Variants in DIS3 observed in about 807,000 individuals in gnomAD.
The protein encoded by DIS3 is exosome complex exonuclease RRP44.
Under a neutral mutation model 113.0 loss-of-function variants are expected in DIS3, and 103 were observed. That is an observed-to-expected ratio of 0.91 (90% CI 0.78 to 1.07). DIS3 has a LOEUF of 1.07. Among genes scored for constraint, DIS3 ranks in the 50% least tolerant of loss-of-function variants. The pLI, the probability that DIS3 is intolerant of heterozygous loss-of-function variation, is 0.00. For synonymous variants in DIS3, 402 were observed against 394.3 expected, an observed-to-expected ratio of 1.02 and a Z score of -0.23; for missense variants, 1,121 against 1,167.1, an observed-to-expected ratio of 0.96 and a Z score of 0.58.
Position 72,781,880 on chromosome 13 carries a change from A to C in DIS3, c.-48T>G. The C allele has an allele frequency of 6.8e-7, 1 of 1,472,590 alleles. No homozygotes were observed. 91.2% of individuals were successfully genotyped at this position (1,472,590 alleles called of 1,614,324 possible). The stretch of plus-strand genomic sequence containing the variant: ...TAACCCCAGCAGCGCTCTTCCAGCA[A>C]AAGGCGTCAATCTAGAATACGCCTA... On this transcript the variant is annotated 5_prime_UTR_variant, in exon 1 of 21. Transcript: ENST00000377767.
rs201688391 is a variant in DIS3 at position 72,755,225 on chromosome 13, T to C, written c.*4570A>G. 35 of 1,602,926 alleles carry C rather than the reference T, an allele frequency of 2.2e-5. No individual in the cohort carries two copies. The highest frequency in any genetic ancestry group is 2.8e-5 in the Non-Finnish European group (33 of 1,170,372). On this transcript the variant is annotated 3_prime_UTR_variant, in exon 21 of 21. Coordinates refer to ENST00000377767, the MANE Select transcript of DIS3 (RefSeq NM_014953.5). ...AATGCAGCAGTCCATAGAATGCCTC[T>C]GTCAGAATCAAAGACTAAGCTTAAG...
intron 5 of DIS3, among the ~76,000 whole-genome samples, chr13:72,775,676 G>C (rs924741325): frequency 6.6e-6 from 1 of 151,794 alleles, no homozygotes; most frequent in South Asian, 2.1e-4. Context: ...GTCCTGATTG[G>C]TCAAATAAGA....
At chr13:72,767,165 T>G (rs555186663) in intron 14 of DIS3, among the ~76,000 whole-genome samples, 64 of 152,286 alleles carry the variant, frequency 4.2e-4, no homozygotes, top group African/African-American at 1.4e-3. Flanking sequence ...CGGTTTTTTT[T>G]TCTGATTGCT....
chr13:72,776,126 T>G, intron 4 of DIS3, 34 bp from the exon 5 acceptor site: 1 of 1,566,584 alleles, frequency 6.4e-7, no homozygotes, highest in East Asian at 2.3e-5. Context: ...ATGCCGCTAA[T>G]AAGTCTTCTG....
At chr13:72,768,324 C>T (rs937683329) in intron 14 of DIS3, among the ~76,000 whole-genome samples, 3 of 152,130 alleles carry the variant, frequency 2.0e-5, no homozygotes, top group African/African-American at 7.2e-5. Flanking sequence ...CCTGAACAAA[C>T]ATCAGTCCAG....
intron 20 of DIS3, among the ~76,000 whole-genome samples, chr13:72,760,101 T>C (rs1270994724): frequency 6.6e-6 from 1 of 152,180 alleles, no homozygotes; most frequent in East Asian, 1.9e-4. Context: ...GAGAAGCATG[T>C]CATTTAGGAA....
chr13:72,778,412 A>T, intron 2 of DIS3, 32 bp from the exon 3 acceptor site: 2 of 1,516,946 alleles, frequency 1.3e-6, no homozygotes, highest in Non-Finnish European at 1.8e-6. Context: ...AATAAAAGGA[A>T]ATCAGTAGAA....
chr13:72,781,629 G>T lies in DIS3; in HGVS notation c.204C>A (p.Pro68=), dbSNP rs1216717811. The change falls in exon 1 of 21, where the codon CCC becomes CCA. Residue 68 remains proline (P), a synonymous_variant. Coordinates refer to ENST00000377767, the MANE Select transcript of DIS3 (RefSeq NM_014953.5). The part of the protein sequence containing the change: ...SVCPQPHYLL[P]DTNVLLHQID... ...CCTGGTGCAGTAACACATTAGTGTC[G>T]GGCAGCAAGTAGTGCGGTTGCGGGC... 3.9e-6 allele frequency: 6 copies of T among 1,537,134 alleles called. No individual in the cohort carries two copies. The highest frequency in any genetic ancestry group is 4.0e-5 in the Admixed American group (2 of 49,718).
intron 19 of DIS3, 87 bp from the exon 20 acceptor site, chr13:72,760,738 G>C: frequency 6.8e-7 from 1 of 1,460,352 alleles, no homozygotes; most frequent in South Asian, 1.4e-5. Flanking sequence ...TTACATAGTA[G>C]AAGTTTAAAT....
At chr13:72,781,137 T>G (rs1404350311) in intron 1 of DIS3, 134 bp from the exon 2 acceptor site, 1 of 1,349,456 alleles carries the variant, frequency 7.4e-7, no homozygotes, top group Non-Finnish European at 1.0e-6. Context: ...AAGAAGCTAT[T>G]TGGCTATAGA....
At chr13:72,776,807 T>C (rs2034027823) in intron 4 of DIS3, among the ~76,000 whole-genome samples, 1 of 152,214 alleles carries the variant, frequency 6.6e-6, no homozygotes. Context: ...CTCACCTCTC[T>C]GCCTCTAATC....
In DIS3 at chr13:72,773,852, C is replaced by T. The variant is rs752237490; in HGVS notation, c.1102-31G>A. ...AAAAATTAGGAATAAAGATTTTACA[C>T]AAAAAAAATCTGAGGATGGAGGCAA... On this transcript the variant is annotated intron_variant, in intron 7 of 20. Coordinates refer to ENST00000377767, the MANE Select transcript of DIS3 (RefSeq NM_014953.5). The T allele has an allele frequency of 3.3e-5, 52 of 1,592,562 alleles. No homozygotes were observed. In the Admixed American group the frequency reaches 3.5e-4, roughly 11 times the overall value.
chr13:72,769,110 C>A (rs1246688438), intron 13 of DIS3, among the ~76,000 whole-genome samples, 198 bp from the exon 14 acceptor site: 1 of 152,122 alleles, frequency 6.6e-6, no homozygotes, highest in Non-Finnish European at 1.5e-5. Flanking sequence ...AGGCATTATA[C>A]AACATAAACA....
In DIS3 at chr13:72,753,959, C is replaced by A; in HGVS notation, c.*5836G>T. 1.1e-6 allele frequency: 1 copy of A among 870,012 alleles called. No individual in the cohort carries two copies. The highest frequency in any genetic ancestry group is 1.7e-6 in the Non-Finnish European group (1 of 583,646). The allele number at this position is 870,012 out of a possible 1,614,324, so 53.9% of individuals were successfully genotyped here. A position where few individuals can be genotyped will look rare whatever the true frequency, so the allele number is the denominator to read the frequency against. ...AAGGTAAGCCTGTTTTCTTAACATC[C>A]AATAACCTTTAAATATTTTGGTTAC... On this transcript the variant is annotated 3_prime_UTR_variant, in exon 21 of 21. Coordinates refer to ENST00000377767, the MANE Select transcript of DIS3 (RefSeq NM_014953.5).
At chr13:72,772,946 C>A (rs1291373720) in intron 8 of DIS3, 107 bp from the exon 9 acceptor site, 2 of 1,247,328 alleles carry the variant, frequency 1.6e-6, no homozygotes, top group Non-Finnish European at 2.2e-6. Context: ...CCTAAATATT[C>A]CCATAACGAT....
At chr13:72,777,811 T>C (rs998647840) in intron 3 of DIS3, among the ~76,000 whole-genome samples, 2 of 151,568 alleles carry the variant, frequency 1.3e-5, no homozygotes, top group Non-Finnish European at 2.9e-5. Flanking sequence ...GGTCCTGAAC[T>C]CCTGGTCTCA....
Position 72,770,899 on chromosome 13 carries a change from C to T in DIS3, c.1755+5G>A, listed in dbSNP as rs780423423. On this transcript the variant is annotated splice_donor_5th_base_variant and intron_variant, in intron 13 of 20. Transcript: ENST00000377767. ...AAATTAGAGATTAATAGCCATGAAACGAACCTTTGAATTAATAACACTTTT... is the reference window on the plus strand; with the variant it reads ...AAATTAGAGATTAATAGCCATGAAATGAACCTTTGAATTAATAACACTTTT... The T allele has an allele frequency of 1.6e-5, 25 of 1,580,216 alleles. No homozygotes were observed. The highest frequency in any genetic ancestry group is 7.1e-5 in the South Asian group (6 of 84,546).
intron 14 of DIS3, among the ~76,000 whole-genome samples, chr13:72,767,657 A>T (rs536468692): frequency 1.3e-5 from 2 of 152,336 alleles, no homozygotes; most frequent in South Asian, 4.1e-4. Flanking sequence ...GCCCTGTCCA[A>T]TGTGATAGTC....
Position 72,771,114 on chromosome 13 carries a change from G to T in DIS3, c.1637C>A (p.Ser546Tyr). ...RIDMVPELLS[S>Y]NLCSLKCDVD... ...GTCACATTTTAAGGAACACAAGTTA[G>T]AGCTAAGCAACTCTGGAACCATGTC... Residue 546 changes from serine (S) to tyrosine (Y), a missense_variant, in exon 12 of 21, where the codon TCT becomes TAT. This residue lies in a region of DIS3 where 861 missense variants were observed against 915.5 expected (regional missense o/e 0.94). Coordinates refer to ENST00000377767, the MANE Select transcript of DIS3 (RefSeq NM_014953.5). The T allele has an allele frequency of 3.1e-6, 5 of 1,613,706 alleles. No homozygotes were observed.
Sources: allele counts gnomAD v4.1 joint callset (sites outside exome capture counted in the v4.1 genomes callset), GRCh38; gene constraint gnomAD v4.1.1; regional missense constraint gnomAD v4.1.1; transcripts MANE v1.5; gene names NCBI Gene and HGNC (gene_info 2026-07-23, HGNC 2026-07-21).